LRFN1: variants seen among roughly 807,000 people sequenced by gnomAD.
LRFN1 encodes the protein leucine-rich repeat and fibronectin type III domain-containing protein 1.
A neutral mutation model predicts 31.8 loss-of-function variants in LRFN1; 20 were observed. The ratio of observed to expected loss-of-function variants is 0.63; its 90% CI spans 0.44 to 0.91. The LOEUF (loss-of-function observed/expected upper bound fraction) is 0.91. Among genes scored for constraint, LRFN1 ranks in the 40% least tolerant of loss-of-function variants. LRFN1 has a pLI of 0.00. For synonymous variants in LRFN1, 514 were observed against 541.3 expected (o/e 0.95, Z 0.70); for missense variants, 912 against 1,129.8 (o/e 0.81, Z 2.76).
chr19:39,308,188 G>T lies in LRFN1; in HGVS notation c.1761C>A (p.Asn587Lys), dbSNP rs1302184518. Residue 587 changes from asparagine (N) to lysine (K), a missense_variant, in exon 5 of 5, where the codon AAC becomes AAA. By Grantham distance (94) the Asn-to-Lys change is moderately conservative. Around this residue, in one of 2 missense-constraint regions of LRFN1, gnomAD observed 511 missense variants for 557.0 expected, o/e 0.92. Transcript: ENST00000248668. This position sits in a 1 kb window ranked among gnomAD's most constrained non-coding sequence, Gnocchi z 6.2. ...PRVSHVCSQT[N>K]GAGTGAAQAP... ...CCTGTGCCGCGCCTGTGCCTGCGCC[G>T]TTGGTCTGCGAGCACACGTGGCTGA... 1 of 1,596,578 alleles carries T rather than the reference G, an allele frequency of 6.3e-7. No homozygotes were observed. Among genetic ancestry groups the T allele is most frequent in the South Asian group, 1.1e-5 (1 of 89,454 alleles).
At chr19:39,317,247 G>A (rs967554126) in intron 2 of LRFN1, among the ~76,000 whole-genome samples, 5 of 152,108 alleles carry the variant, frequency 3.3e-5, no homozygotes, top group Non-Finnish European at 7.4e-5. Flanking sequence ...AAAGACAGAG[G>A]AGGAAAGAGA....
rs2075136838 is a variant in LRFN1, at chr19:39,308,171, G to T, written c.1778C>A (p.Ala593Glu). The change falls in exon 5 of 5, where the codon GCG (alanine) becomes GAG (glutamate). Residue 593 changes from alanine (A) to glutamate (E), a missense_variant. This residue lies in a region of LRFN1 where 511 missense variants were observed against 557.0 expected (regional missense o/e 0.92). Transcript: ENST00000248668. The surrounding 1 kb of genome is among the most constrained non-coding windows in gnomAD (Gnocchi z 6.2). Reference sequence around the variant, plus strand: ...GGCCGGCAGGGCCGGGGCCTGTGCCGCGCCTGTGCCTGCGCCGTTGGTCTG... The same window carrying T: ...GGCCGGCAGGGCCGGGGCCTGTGCCTCGCCTGTGCCTGCGCCGTTGGTCTG... ...CSQTNGAGTG[A>E]AQAPALPAQD... 2 of 1,576,238 alleles carry T rather than the reference G, an allele frequency of 1.3e-6. No homozygotes were observed. Among genetic ancestry groups the T allele is most frequent in the Admixed American group, 1.8e-5 (1 of 56,398 alleles).
Position 39,306,631 on chromosome 19 carries a change from G to T in LRFN1, c.*1002C>A, listed in dbSNP as rs931446931. ...CCTCTAAGTCTCTCAGAGGATAAAA[G>T]CCTGTCTGCCAGTCTCCTCCGGCCC... is the stretch of plus-strand genomic sequence containing the variant. On this transcript the variant is annotated 3_prime_UTR_variant, in exon 5 of 5. Coordinates refer to ENST00000248668, the MANE Select transcript of LRFN1 (RefSeq NM_020862.2). 1 of 151,848 alleles carries T rather than the reference G, an allele frequency of 6.6e-6. No homozygotes were observed. The highest frequency in any genetic ancestry group is 6.6e-5 in the Admixed American group (1 of 15,214). The allele number at this position is 151,848 out of a possible 1,614,324, so 9.4% of individuals were successfully genotyped here. A position where few individuals can be genotyped will look rare whatever the true frequency, so the allele number is the denominator to read the frequency against.
At chr19:39,320,619 G>T (rs1479443681) in intron 1 of LRFN1, among the ~76,000 whole-genome samples, 174 bp downstream of exon 1, 1 of 151,550 alleles carries the variant, frequency 6.6e-6, no homozygotes, top group Non-Finnish European at 1.5e-5. Flanking sequence ...ACACCCGATG[G>T]CCACACGGGC....
intron 4 of LRFN1, among the ~76,000 whole-genome samples, chr19:39,310,531 G>A (rs534786126): frequency 3.9e-5 from 6 of 152,250 alleles, no homozygotes; most frequent in Non-Finnish European, 7.4e-5. Flanking sequence ...CTTCTGTTGA[G>A]CACATCGTTT....
chr19:39,316,837 G>A (rs1435877277), intron 2 of LRFN1, among the ~76,000 whole-genome samples: 4 of 152,274 alleles, frequency 2.6e-5, no homozygotes, highest in East Asian at 3.9e-4. Flanking sequence ...TGGGCGGGGG[G>A]TGAAGAGGAA....
chr19:39,314,022 G>C lies in LRFN1; in HGVS notation c.1315C>G (p.Leu439Val). The part of the protein sequence containing the change: ...VAAELTSNSV[L>V]IRWPAQRPVP... ...GGCCTCTGGGCTGGCCAGCGGATGA[G>C]CACGGAGTTCGAGGTGAGCTCGGCT... is the stretch of plus-strand genomic sequence containing the variant. Residue 439 changes from leucine to valine, a missense_variant, in exon 4 of 5, where the codon CTC (leucine) becomes GTC (valine). By Grantham distance (32) the Leu-to-Val change is conservative. Transcript: ENST00000248668. The C allele has an allele frequency of 6.2e-7, 1 of 1,611,894 alleles. No homozygotes were observed. Among genetic ancestry groups the C allele is most frequent in the Admixed American group, 1.7e-5 (1 of 60,018 alleles).
In LRFN1 at chr19:39,307,856, G is replaced by T; in HGVS notation, c.2093C>A (p.Pro698Gln). ...GAACGAATAGCGCTGCTGCGGCCTC[G>T]GCCGGGCCGCGGCTCCCCCAGGAAC... ...ALVPGGAAAR[P>Q]RPQQRYSFDG... Residue 698 changes from proline to glutamine, a missense_variant, in exon 5 of 5, where the codon CCG becomes CAG. Coordinates refer to ENST00000248668, the MANE Select transcript of LRFN1 (RefSeq NM_020862.2). This position sits in a 1 kb window ranked among gnomAD's most constrained non-coding sequence, Gnocchi z 6.7. The T allele has an allele frequency of 6.6e-7, 1 of 1,521,582 alleles. No individual in the cohort carries two copies. The highest frequency in any genetic ancestry group is 2.4e-5 in the East Asian group (1 of 41,376). 94.3% of individuals were successfully genotyped at this position (1,521,582 alleles called of 1,614,324 possible). A position where few individuals can be genotyped will look rare whatever the true frequency, so the allele number is the denominator to read the frequency against.
At position 39,315,342 on chromosome 19, in the gene LRFN1, A is replaced by G. The variant is rs1395945400; in HGVS notation, c.-6T>C. ...GAGAAGGGTCCTGGAGCCATGGTGC[A>G]GTGGGAAGGCAGGAGGGGTGGGAGG... is the stretch of plus-strand genomic sequence containing the variant. On this transcript the variant is annotated 5_prime_UTR_variant, in exon 4 of 5. Coordinates refer to ENST00000248668, the MANE Select transcript of LRFN1 (RefSeq NM_020862.2). The surrounding 1 kb of genome is among the most constrained non-coding windows in gnomAD (Gnocchi z 4.7). 2 of 1,449,306 alleles carry G rather than the reference A, an allele frequency of 1.4e-6. No homozygotes were observed. Among genetic ancestry groups the G allele is most frequent in the Admixed American group, 5.3e-5 (2 of 37,606 alleles). The allele number at this position is 1,449,306 out of a possible 1,614,324, so 89.8% of individuals were successfully genotyped here. A position where few individuals can be genotyped will look rare whatever the true frequency, so the allele number is the denominator to read the frequency against.
rs937562621 is a variant in LRFN1 at position 39,309,500 on chromosome 19, A to C, written c.1407-958T>G. Among the ~76,000 whole-genome samples the C allele has an allele frequency of 4.7e-5, 7 of 148,628 alleles. No individual in the cohort carries two copies. The South Asian group carries it at 8.5e-4, about 18-fold the overall frequency. On this transcript the variant is annotated intron_variant, in intron 4 of 4. Coordinates refer to ENST00000248668, the MANE Select transcript of LRFN1 (RefSeq NM_020862.2). ...AACCAAAAAAAAAAAAAAAAAAAAAAAAAAAAACCATCTAGCTTTGTCTAT... is the reference window on the plus strand; with the variant it reads ...AACCAAAAAAAAAAAAAAAAAAAAACAAAAAAACCATCTAGCTTTGTCTAT...
chr19:39,313,947 C>A lies in LRFN1; in HGVS notation c.1390G>T (p.Asp464Tyr). 2 of 1,591,636 alleles carry A rather than the reference C, an allele frequency of 1.3e-6. No homozygotes were observed. Among genetic ancestry groups the A allele is most frequent in the South Asian group, 2.2e-5 (2 of 90,644 alleles). ...YQVQYNSSVD[D>Y]SLVYRMIPST... ...CGCACCCACCTGTAGACGAGGGAGTCATCAACGGAACTGTTGTACTGAACC... is the reference window on the plus strand; with the variant it reads ...CGCACCCACCTGTAGACGAGGGAGTAATCAACGGAACTGTTGTACTGAACC... Residue 464 changes from aspartate to tyrosine, a missense_variant, in exon 4 of 5, where the codon GAC (aspartate) becomes TAC (tyrosine). This residue lies in a region of LRFN1 where 511 missense variants were observed against 557.0 expected (regional missense o/e 0.92). Transcript: ENST00000248668.
chr19:39,308,161 G>GGCCTGTGCCGC lies in LRFN1; in HGVS notation c.1777_1787dup (p.Pro597ArgfsTer95). ...AGTGGTCCTGGGCCGGCAGGGCCGG[G>GGCCTGTGCCGC]GCCTGTGCCGCGCCTGTGCCTGCGC... On this transcript the variant is annotated frameshift_variant, in exon 5 of 5. Coordinates refer to ENST00000248668, the MANE Select transcript of LRFN1 (RefSeq NM_020862.2). LOFTEE classifies it low-confidence loss of function (END_TRUNC). The surrounding 1 kb of genome is among the most constrained non-coding windows in gnomAD (Gnocchi z 6.2). 6.4e-7 allele frequency: 1 copy of GGCCTGTGCCGC among 1,565,160 alleles called. No homozygotes were observed. The highest frequency in any genetic ancestry group is 1.2e-5 in the South Asian group (1 of 83,462).
In LRFN1 at chr19:39,315,206, G is replaced by T; in HGVS notation, c.131C>A (p.Ala44Glu). The change falls in exon 4 of 5, where the codon GCG (alanine) becomes GAG (glutamate). Residue 44 changes from alanine (A) to glutamate (E), a missense_variant. By Grantham distance (107) the Ala-to-Glu change is moderately radical. This residue lies in a region of LRFN1 where 401 missense variants were observed against 572.7 expected (regional missense o/e 0.70). Transcript: ENST00000248668. The surrounding 1 kb of genome is among the most constrained non-coding windows in gnomAD (Gnocchi z 4.7). The stretch of plus-strand genomic sequence containing the variant: ...GGCGCACAGCATTGTCAGTGTGGGC[G>T]CCACGTTCTGGCAGATGCAGCGGCC... ...CPGRCICQNV[A>E]PTLTMLCAKT... is the part of the protein sequence containing the mutation. 1 of 1,578,974 alleles carries T rather than the reference G, an allele frequency of 6.3e-7. No individual in the cohort carries two copies. The highest frequency in any genetic ancestry group is 1.7e-5 in the Admixed American group (1 of 57,600).
At chr19:39,312,413 G>T (rs1034733071) in intron 4 of LRFN1, among the ~76,000 whole-genome samples, 10 of 152,102 alleles carry the variant, frequency 6.6e-5, no homozygotes, top group Admixed American at 5.2e-4. Context: ...GTGCATGAGG[G>T]AGGCAGAGCT....
At position 39,314,156 on chromosome 19, in the gene LRFN1, G is replaced by A. The variant is rs540965525; in HGVS notation, c.1181C>T (p.Ala394Val). 7.3e-5 allele frequency: 118 copies of A among 1,612,528 alleles called. 1 individual carries two copies. The highest frequency in any genetic ancestry group is 1.6e-4 in the Middle Eastern group (1 of 6,080). ...EVCVVPLPLM[A>V]PPPAAPPPLT... ...AGGCGGCGGGGCAGCCGGCGGGGGT[G>A]CCATCAGAGGCAGAGGTACCACGCA... is the stretch of plus-strand genomic sequence containing the variant. The change falls in exon 4 of 5, where the codon GCA becomes GTA. Residue 394 changes from alanine to valine, a missense_variant. By Grantham distance (64) the Ala-to-Val change is moderately conservative (BLOSUM62 0). This residue lies in a region of LRFN1 where 511 missense variants were observed against 557.0 expected (regional missense o/e 0.92). Transcript: ENST00000248668.
intron 1 of LRFN1, among the ~76,000 whole-genome samples, chr19:39,320,482 A>G (rs1419236183): frequency 1.3e-5 from 2 of 151,990 alleles, no homozygotes; most frequent in Non-Finnish European, 2.9e-5. Flanking sequence ...ACCCACGCAC[A>G]CACACACCTG....
rs1163022798 is a variant in LRFN1 at position 39,314,887 on chromosome 19, G to T, written c.450C>A (p.Arg150=). ...RHLILGNNQI[R]RVESAAFDAF... ...CGTCAAAGGCCGCCGACTCCACCCG[G>T]CGGATCTGGTTGTTTCCAAGGATCA... Residue 150 remains arginine, a synonymous_variant, in exon 4 of 5, where the codon CGC becomes CGA. Transcript: ENST00000248668. The T allele has an allele frequency of 6.2e-7, 1 of 1,609,700 alleles. No individual in the cohort carries two copies. Among genetic ancestry groups the T allele is most frequent in the Non-Finnish European group, 8.5e-7 (1 of 1,178,310 alleles).
At position 39,307,738 on chromosome 19, in the gene LRFN1, C is replaced by G; in HGVS notation, c.2211G>C (p.Gly737=). 3.3e-6 allele frequency: 5 copies of G among 1,494,080 alleles called. No homozygotes were observed. The highest frequency in any genetic ancestry group is 3.5e-6 in the Non-Finnish European group (4 of 1,134,542). The allele number at this position is 1,494,080 out of a possible 1,614,324, so 92.6% of individuals were successfully genotyped here. Residue 737 remains glycine (G), a synonymous_variant, in exon 5 of 5, where the codon GGG becomes GGC. Transcript: ENST00000248668. The surrounding 1 kb of genome is among the most constrained non-coding windows in gnomAD (Gnocchi z 6.7). ...KRHRSTPHLD[G]AGGGAAGEDG... is the part of the protein sequence containing the mutation. Reference sequence around the variant, plus strand: ...CCTCCCCGGCCGCGCCCCCTCCAGCCCCGTCCAGGTGCGGCGTGGACCGGT... The same window carrying G: ...CCTCCCCGGCCGCGCCCCCTCCAGCGCCGTCCAGGTGCGGCGTGGACCGGT...
In LRFN1 at chr19:39,314,993, A is replaced by G; in HGVS notation, c.344T>C (p.Leu115Pro). Residue 115 changes from leucine (L) to proline (P), a missense_variant, in exon 4 of 5, where the codon CTC becomes CCC. This residue lies in a region of LRFN1 where 401 missense variants were observed against 572.7 expected (regional missense o/e 0.70). Coordinates refer to ENST00000248668, the MANE Select transcript of LRFN1 (RefSeq NM_020862.2). ...GTTGCTGTCCAGGTGCAGGGCCCGG[A>G]GGGCACGCAGGTCGGCGAAGGCGCC... ...AAGAFADLRA[L>P]RALHLDSNRL... 6.3e-7 allele frequency: 1 copy of G among 1,590,630 alleles called. No individual in the cohort carries two copies. Among genetic ancestry groups the G allele is most frequent in the Non-Finnish European group, 8.5e-7 (1 of 1,175,184 alleles).
Sources: gnomAD v4.1 joint callset for allele counts (sites outside exome capture counted in the v4.1 genomes callset) on GRCh38, gnomAD v4.1.1 for gene constraint, gnomAD v4.1.1 regional missense constraint, Gnocchi (gnomAD v3.1) non-coding constraint, MANE v1.5 for transcripts, NCBI Gene and HGNC (gene_info 2026-07-23, HGNC 2026-07-21) for gene names.